TPGS2: variants seen among roughly 807,000 people sequenced by gnomAD.
TPGS2 encodes the protein polyglutamylase subunit 2.
Under a neutral mutation model 31.1 loss-of-function variants are expected in TPGS2, and 26 were observed. The ratio of observed to expected loss-of-function variants is 0.84; its 90% CI spans 0.61 to 1.16. The LOEUF (loss-of-function observed/expected upper bound fraction) is 1.16, where lower values mean the gene tolerates loss of function less well. Ranked by LOEUF, TPGS2 falls within the 50% of genes most tolerant of loss-of-function variation. The pLI, the probability that TPGS2 is intolerant of heterozygous loss-of-function variation, is 0.00. For missense variants in TPGS2, 351 were observed against 363.8 expected, an observed-to-expected ratio of 0.96 and a Z score of 0.29; for synonymous variants, 130 against 136.6, an observed-to-expected ratio of 0.95 and a Z score of 0.34.
In TPGS2 at chr18:36,796,215, T is replaced by TAACA; in HGVS notation, c.*586_*589dup. 1 of 985,350 alleles carries TAACA rather than the reference T, an allele frequency of 1.0e-6. No homozygotes were observed. The highest frequency in any genetic ancestry group is 1.2e-6 in the Non-Finnish European group (1 of 829,920). 61.0% of individuals were successfully genotyped at this position (985,350 alleles called of 1,614,324 possible). A position where few individuals can be genotyped will look rare whatever the true frequency, so the allele number is the denominator to read the frequency against. The stretch of plus-strand genomic sequence containing the variant: ...ACCCATCCAATGAAGACATCAACAT[T>TAACA]AACAACAAAAATTAATTGAGGAAGA... On this transcript the variant is annotated 3_prime_UTR_variant, in exon 7 of 7. Coordinates refer to ENST00000334295, the MANE Select transcript of TPGS2 (RefSeq NM_015476.4).
At chr18:36,815,721 A>G (rs2045623491) in intron 2 of TPGS2, among the ~76,000 whole-genome samples, 1 of 152,230 alleles carries the variant, frequency 6.6e-6, no homozygotes, top group Non-Finnish European at 1.5e-5. Context: ...CACACCCCAA[A>G]GGCTATCTTA....
chr18:36,813,507 G>A (rs1415892144), intron 2 of TPGS2, among the ~76,000 whole-genome samples: 1 of 152,204 alleles, frequency 6.6e-6, no homozygotes. Flanking sequence ...CCTGTCACCT[G>A]TTTTTGTAAA....
intron 6 of TPGS2, chr18:36,787,132 A>G: frequency 4.9e-6 from 6 of 1,232,254 alleles, no homozygotes; most frequent in Non-Finnish European, 6.1e-6. Flanking sequence ...ATTTAAAGAT[A>G]TTCCAGAGGC....
chr18:36,816,065 CAAATCT>C (rs2045640478), intron 2 of TPGS2, among the ~76,000 whole-genome samples: 1 of 152,116 alleles, frequency 6.6e-6, no homozygotes, highest in South Asian at 2.1e-4. Flanking sequence ...AGGAAAATTC[CAAATCT>C]ACGTATCTGA....
chr18:36,823,492 G>T, intron 1 of TPGS2, among the ~76,000 whole-genome samples: 1 of 108,534 alleles, frequency 9.2e-6, no homozygotes, highest in Admixed American at 1.1e-4. Context: ...ACGGAGTCTC[G>T]CTCTGTCGCC....
At chr18:36,799,059 T>C (rs2044675903) in intron 5 of TPGS2, among the ~76,000 whole-genome samples, 1 of 152,218 alleles carries the variant, frequency 6.6e-6, no homozygotes, top group African/African-American at 2.4e-5. Context: ...AAAACCACCA[T>C]GAAGGAGCTT....
chr18:36,792,197 A>T (rs2044335482), downstream of TPGS2, among the ~76,000 whole-genome samples: 1 of 152,222 alleles, frequency 6.6e-6, no homozygotes, highest in African/African-American at 2.4e-5. Context: ...ATTGGACAGA[A>T]AAAAGTTATA....
intron 2 of TPGS2, among the ~76,000 whole-genome samples, chr18:36,813,803 G>A (rs1437851649): frequency 1.3e-5 from 2 of 152,214 alleles, no homozygotes; most frequent in Admixed American, 6.5e-5. Context: ...GAAGCTGCCA[G>A]GAGAAAGAAG....
At chr18:36,808,032 T>A (rs2045247580) in intron 2 of TPGS2, 98 bp from the exon 3 acceptor site, 8 of 1,139,094 alleles carry the variant, frequency 7.0e-6, no homozygotes, top group Non-Finnish European at 1.0e-5. Context: ...ATGTTATACG[T>A]CCCTGAAATA....
chr18:36,783,932 TATAAG>T, intron 6 of TPGS2, among the ~76,000 whole-genome samples: 1 of 152,008 alleles, frequency 6.6e-6, no homozygotes, highest in Non-Finnish European at 1.5e-5. Flanking sequence ...GAGTGTCCCT[TATAAG>T]AGAAAGGCAG....
At chr18:36,793,220 T>G (rs1353021529), downstream of TPGS2, among the ~76,000 whole-genome samples, 2 of 152,218 alleles carry the variant, frequency 1.3e-5, no homozygotes, top group African/African-American at 4.8e-5. Context: ...AATATATGCA[T>G]GAGCGGAGGA....
At chr18:36,824,642 T>A (rs2150705698) in intron 1 of TPGS2, among the ~76,000 whole-genome samples, 1 of 152,350 alleles carries the variant, frequency 6.6e-6, no homozygotes, top group East Asian at 1.9e-4. Context: ...CATCTTTATG[T>A]GTGCTCACTG....
In TPGS2 at chr18:36,805,414, A is replaced by T; in HGVS notation, c.342T>A (p.Asn114Lys). 6.2e-7 allele frequency: 1 copy of T among 1,614,002 alleles called. No individual in the cohort carries two copies. The highest frequency in any genetic ancestry group is 8.5e-7 in the Non-Finnish European group (1 of 1,179,894). Reference sequence around the variant, plus strand: ...CCTCCAGGTCTGCCAGAGTGGGTGCATTAGGAAGTGAATACATGGAAGACT... The same window carrying T: ...CCTCCAGGTCTGCCAGAGTGGGTGCTTTAGGAAGTGAATACATGGAAGACT... ...LTQSSMYSLP[N>K]APTLADLEDD... Residue 114 changes from asparagine (N) to lysine (K), a missense_variant, in exon 4 of 7, where the codon AAT becomes AAA. Physicochemically the swap from Asn to Lys is moderately conservative, Grantham distance 94. Transcript: ENST00000334295.
At position 36,795,911 on chromosome 18, in the gene TPGS2, G is replaced by T; in HGVS notation, c.*894C>A. The T allele has an allele frequency of 3.3e-5, 33 of 985,432 alleles. No homozygotes were observed. Among genetic ancestry groups the T allele is most frequent in the Non-Finnish European group, 3.6e-5 (30 of 829,926 alleles). The allele number at this position is 985,432 out of a possible 1,614,324, so 61.0% of individuals were successfully genotyped here. On this transcript the variant is annotated 3_prime_UTR_variant, in exon 7 of 7. Coordinates refer to ENST00000334295, the MANE Select transcript of TPGS2 (RefSeq NM_015476.4). Reference sequence around the variant, plus strand: ...ACCATTAAAACTCTTTCTTTATGAAGAGTTGTGCAAAACAATGTTTGGGAA... The same window carrying T: ...ACCATTAAAACTCTTTCTTTATGAATAGTTGTGCAAAACAATGTTTGGGAA...
downstream of TPGS2, among the ~76,000 whole-genome samples, chr18:36,781,451 A>T (rs1389077225): frequency 6.6e-6 from 1 of 152,192 alleles, no homozygotes; most frequent in African/African-American, 2.4e-5. Flanking sequence ...CAGGAGATCG[A>T]GACCATCCTG....
chr18:36,796,056 A>G lies in TPGS2; in HGVS notation c.*749T>C. 2 of 985,478 alleles carry G rather than the reference A, an allele frequency of 2.0e-6. No individual in the cohort carries two copies. Among genetic ancestry groups the G allele is most frequent in the Non-Finnish European group, 2.4e-6 (2 of 829,936 alleles). 61.0% of individuals were successfully genotyped at this position (985,478 alleles called of 1,614,324 possible). Reference sequence around the variant, plus strand: ...TCATAACACAAAACTGGAAGCAAGAAACTTCACTGGAAACTGATGAGGAAG... The same window carrying G: ...TCATAACACAAAACTGGAAGCAAGAGACTTCACTGGAAACTGATGAGGAAG... On this transcript the variant is annotated 3_prime_UTR_variant, in exon 7 of 7. Coordinates refer to ENST00000334295, the MANE Select transcript of TPGS2 (RefSeq NM_015476.4).
chr18:36,799,860 A>G (rs1236608379), intron 5 of TPGS2, among the ~76,000 whole-genome samples: 2 of 152,184 alleles, frequency 1.3e-5, no homozygotes, highest in African/African-American at 4.8e-5. Flanking sequence ...ATAGAAGTAT[A>G]AAAGATAATG....
At chr18:36,816,284 C>T (rs535248694) in intron 2 of TPGS2, among the ~76,000 whole-genome samples, 1 of 152,262 alleles carries the variant, frequency 6.6e-6, no homozygotes, top group Non-Finnish European at 1.5e-5. Flanking sequence ...AATAAAGTTG[C>T]ATTGTCCAGG....
downstream of TPGS2, among the ~76,000 whole-genome samples, chr18:36,782,172 A>G (rs372863509): frequency 6.6e-6 from 1 of 152,152 alleles, no homozygotes; most frequent in Non-Finnish European, 1.5e-5. Context: ...TATTCTGCTG[A>G]GTTGTTGCTT....
Sources: allele counts gnomAD v4.1 joint callset (sites outside exome capture counted in the v4.1 genomes callset), GRCh38; gene constraint gnomAD v4.1.1; transcripts MANE v1.5; gene names NCBI Gene and HGNC (gene_info 2026-07-23, HGNC 2026-07-21).